The following ESRP1 variants were observed in gnomAD, a reference collection of about 807,000 sequenced individuals.
ESRP1 encodes RNA-binding motif protein 35A.
ESRP1 carries 33 observed loss-of-function variants against 81.7 expected under a neutral mutation model. That is an observed-to-expected ratio of 0.40 (90% CI 0.31 to 0.54). The LOEUF is 0.54. ESRP1 is among the 20% of genes least tolerant of loss of function. The pLI, the probability that ESRP1 is intolerant of heterozygous loss-of-function variation, is 0.41. For synonymous variants in ESRP1, 320 were observed against 303.3 expected (o/e 1.06, Z -0.57); for missense variants, 672 against 833.1 (o/e 0.81, Z 2.38).
At chr8:94,646,143 C>CA in intron 3 of ESRP1, 25 bp from the exon 4 acceptor site, 1 of 1,387,774 alleles carries the variant, frequency 7.2e-7, no homozygotes, top group Non-Finnish European at 1.0e-6. Context: ...ACCTAGTTAA[C>CA]ATTATCTACC....
chr8:94,646,488 G>A, intron 4 of ESRP1: 1 of 420,314 alleles, frequency 2.4e-6, no homozygotes. Flanking sequence ...GACGGATTTG[G>A]AGATGGATTT....
At chr8:94,697,665 T>A (rs1809657845) in intron 15 of ESRP1, among the ~76,000 whole-genome samples, 1 of 152,282 alleles carries the variant, frequency 6.6e-6, no homozygotes, top group South Asian at 2.1e-4. Flanking sequence ...CACTCATGTA[T>A]AATTATTTGA....
chr8:94,644,368 G>T (rs1444849760), intron 3 of ESRP1, among the ~76,000 whole-genome samples: 1 of 152,162 alleles, frequency 6.6e-6, no homozygotes, highest in Non-Finnish European at 1.5e-5. Context: ...ACTGACAAAT[G>T]ACGACCCAGG....
chr8:94,686,707 A>C (rs1464908794), intron 13 of ESRP1, among the ~76,000 whole-genome samples: 2 of 152,206 alleles, frequency 1.3e-5, no homozygotes, highest in East Asian at 3.8e-4. Context: ...TATTGACACA[A>C]TGTATATATG....
At chr8:94,642,425 C>A (rs548931974) in intron 2 of ESRP1, among the ~76,000 whole-genome samples, 8 of 152,218 alleles carry the variant, frequency 5.3e-5, no homozygotes, top group Non-Finnish European at 1.0e-4. Context: ...AGACCCCAGA[C>A]GCGCCGCTCC....
chr8:94,697,824 C>T (rs374663950), intron 15 of ESRP1, among the ~76,000 whole-genome samples: 2 of 151,968 alleles, frequency 1.3e-5, no homozygotes, highest in Non-Finnish European at 2.9e-5. Context: ...CACTGTTGCC[C>T]GGGCTGGAGT....
intron 4 of ESRP1, among the ~76,000 whole-genome samples, chr8:94,657,438 T>C (rs1039700929): frequency 2.0e-5 from 3 of 151,608 alleles, no homozygotes; most frequent in Non-Finnish European, 4.4e-5. Context: ...CTAAGGATCA[T>C]AGATTGAAGA....
At chr8:94,671,232 C>T (rs1819306296) in intron 10 of ESRP1, among the ~76,000 whole-genome samples, 1 of 152,160 alleles carries the variant, frequency 6.6e-6, no homozygotes, top group Non-Finnish European at 1.5e-5. Context: ...ATCATGCTTT[C>T]CCTGCTGGAA....
chr8:94,653,285 G>A (rs1250859410), intron 4 of ESRP1, among the ~76,000 whole-genome samples: 3 of 152,140 alleles, frequency 2.0e-5, no homozygotes, highest in South Asian at 2.1e-4. Flanking sequence ...ACATTAGCCT[G>A]TTTTTCCTGT....
chr8:94,687,035 A>G (rs1024159490), intron 13 of ESRP1, among the ~76,000 whole-genome samples: 11 of 152,218 alleles, frequency 7.2e-5, no homozygotes, highest in African/African-American at 2.2e-4. Flanking sequence ...TTACAATTGT[A>G]GAATAATTTT....
chr8:94,675,735 C>T (rs546122384), intron 12 of ESRP1, among the ~76,000 whole-genome samples: 1 of 152,268 alleles, frequency 6.6e-6, no homozygotes, highest in Non-Finnish European at 1.5e-5. Context: ...TTTGGAATAT[C>T]CTTTCACTTG....
chr8:94,691,322 ATTAG>A (rs1434411315), intron 13 of ESRP1, among the ~76,000 whole-genome samples: 1 of 152,242 alleles, frequency 6.6e-6, no homozygotes, highest in African/African-American at 2.4e-5. Context: ...TTACTTGCAA[ATTAG>A]TTAAAGACCA....
intron 1 of ESRP1, 27 bp from the exon 2 acceptor site, chr8:94,641,929 C>T: frequency 6.2e-7 from 1 of 1,611,864 alleles, no homozygotes; most frequent in Non-Finnish European, 8.5e-7. Context: ...TTGGGGGAAA[C>T]TGACCCGTGC....
At chr8:94,679,248 A>C (rs1409061902) in intron 13 of ESRP1, among the ~76,000 whole-genome samples, 1 of 152,166 alleles carries the variant, frequency 6.6e-6, no homozygotes, top group Non-Finnish European at 1.5e-5. Context: ...AATATTTTTT[A>C]TTCCACTGGA....
intron 4 of ESRP1, among the ~76,000 whole-genome samples, chr8:94,658,787 G>A (rs1347315226): frequency 6.6e-6 from 1 of 152,126 alleles, no homozygotes; most frequent in African/African-American, 2.4e-5. Flanking sequence ...GTCAATAACC[G>A]TTTGCTATAA....
chr8:94,651,984 C>T lies in ESRP1; in HGVS notation c.490+5702C>T, dbSNP rs570988117. ...TTTTGTCTTTGTATTTGTTCTAAAA[C>T]GCCTTTTTTTTTTTTTTTTTTTTTT... On this transcript the variant is annotated intron_variant, in intron 4 of 15. Transcript: ENST00000433389. Among the ~76,000 whole-genome samples the T allele has an allele frequency of 8.8e-5, 11 of 125,252 alleles. No individual in the cohort carries two copies. In the East Asian group the frequency reaches 1.4e-3, roughly 16 times the overall value. 82.2% of individuals were successfully genotyped at this position (125,252 alleles called of 152,430 possible).
rs1351009238 is a variant in ESRP1, at chr8:94,695,371, T to TTTTTTTTTTTC, written c.1972-1480_1972-1479insTTTTTTTTTCT. Among the ~76,000 whole-genome samples, 188 of 112,018 alleles carry TTTTTTTTTTTC rather than the reference T, an allele frequency of 1.7e-3. 10 individuals are homozygous for TTTTTTTTTTTC. Among genetic ancestry groups the TTTTTTTTTTTC allele is most frequent in the Non-Finnish European group, 2.3e-3 (133 of 57,726 alleles). The allele number at this position is 112,018 out of a possible 152,430, so 73.5% of individuals were successfully genotyped here. A position where few individuals can be genotyped will look rare whatever the true frequency, so the allele number is the denominator to read the frequency against. Reference sequence around the variant, plus strand: ...TTCTTTTTTTTTTTTTTTTTTTTTTTTGAGACGGAGTCTCACTCTGTCGCC... The same window carrying TTTTTTTTTTTC: ...TTCTTTTTTTTTTTTTTTTTTTTTTTTTTTTTTTTTCTGAGACGGAGTCTCACTCTGTCGCC... On this transcript the variant is annotated intron_variant, in intron 14 of 15. Transcript: ENST00000433389.
In ESRP1 at chr8:94,642,044, G is replaced by C. The variant is rs755286131; in HGVS notation, c.221G>C (p.Ser74Thr). ...CKEETKIDVE[S>T]LSSASQLDQA... Reference sequence around the variant, plus strand: ...GAAGAAACTAAAATAGACGTCGAAAGCCTGTCCTCGGCGTCGCAGCTGGAC... The same window carrying C: ...GAAGAAACTAAAATAGACGTCGAAACCCTGTCCTCGGCGTCGCAGCTGGAC... Residue 74 changes from serine to threonine, a missense_variant, in exon 2 of 16, where the codon AGC becomes ACC. Physicochemically the swap from Ser to Thr is moderately conservative, Grantham distance 58. Transcript: ENST00000433389. The C allele has an allele frequency of 4.3e-6, 7 of 1,613,594 alleles. No homozygotes were observed. In the South Asian group the frequency reaches 5.5e-5, roughly 13 times the overall value.
rs375541593 is a variant in ESRP1, at chr8:94,692,716, A to G, written c.1860A>G (p.Thr620=). Residue 620 remains threonine, a synonymous_variant, in exon 14 of 16, where the codon ACA becomes ACG. Transcript: ENST00000433389. ...GSPNSLGYFP[T]AANLSGVPPQ... ...CTAATAGTCTTGGCTACTTCCCTACAGCTGCTAATCTTAGCGGTGTCCCTC... is the reference window on the plus strand; with the variant it reads ...CTAATAGTCTTGGCTACTTCCCTACGGCTGCTAATCTTAGCGGTGTCCCTC... 2 of 1,613,860 alleles carry G rather than the reference A, an allele frequency of 1.2e-6. No individual in the cohort carries two copies. The highest frequency in any genetic ancestry group is 1.7e-6 in the Non-Finnish European group (2 of 1,179,850).
Sources: gnomAD v4.1 joint callset for allele counts (sites outside exome capture counted in the v4.1 genomes callset) on GRCh38, gnomAD v4.1.1 for gene constraint, MANE v1.5 for transcripts, NCBI Gene and HGNC (gene_info 2026-07-23, HGNC 2026-07-21) for gene names.